The following INIP variants were observed in gnomAD, a reference collection of about 807,000 sequenced individuals.
INIP encodes the protein SOSS complex subunit C.
In INIP, 9 loss-of-function variants were observed where a neutral mutation model predicts 14.0. The observed-to-expected ratio is 0.64, with a 90% CI of 0.39 to 1.12. The LOEUF is 1.12. INIP is among the 50% of genes most tolerant of loss of function. The pLI is 0.01. For synonymous variants in INIP, 37 were observed against 41.5 expected, an observed-to-expected ratio of 0.89 and a Z score of 0.41; for missense variants, 78 against 122.7, an observed-to-expected ratio of 0.64 and a Z score of 1.72.
chr9:112,697,317 T>C (rs1349379844), intron 2 of INIP, among the ~76,000 whole-genome samples: 4 of 152,212 alleles, frequency 2.6e-5, no homozygotes, highest in Non-Finnish European at 5.9e-5. Flanking sequence ...AAGACTAGCC[T>C]GGGCAACTTA....
At position 112,693,104 on chromosome 9, in the gene INIP, A is replaced by T. The variant is rs577951032; in HGVS notation, c.128+1027T>A. 4.4e-3 allele frequency among the ~76,000 whole-genome samples: 672 copies of T among 152,224 alleles called. 1 individual carries two copies. Among genetic ancestry groups the T allele is most frequent in the Non-Finnish European group, 6.7e-3 (455 of 68,016 alleles). On this transcript the variant is annotated intron_variant, in intron 3 of 4. Coordinates refer to ENST00000374242, the MANE Select transcript of INIP (RefSeq NM_021218.3). ...AAATATTCTAGTTAGAATGTTTACA[A>T]TTTAATCAACTAAACAGTTTGTTAA...
intron 3 of INIP, among the ~76,000 whole-genome samples, chr9:112,690,171 C>A (rs1471334063): frequency 2.0e-5 from 3 of 152,162 alleles, no homozygotes; most frequent in Admixed American, 6.5e-5. Context: ...GAGTGTTAGG[C>A]AGCAGGGGAG....
chr9:112,693,665 T>C (rs1270015581), intron 3 of INIP, among the ~76,000 whole-genome samples: 1 of 152,226 alleles, frequency 6.6e-6, no homozygotes. Flanking sequence ...AGGTAAAGTT[T>C]AGCCTCCCCT....
At chr9:112,693,473 G>T (rs1837964306) in intron 3 of INIP, among the ~76,000 whole-genome samples, 1 of 152,138 alleles carries the variant, frequency 6.6e-6, no homozygotes, top group Non-Finnish European at 1.5e-5. Context: ...AATCCCTTTT[G>T]TTTGTTCCAC....
intron 2 of INIP, among the ~76,000 whole-genome samples, chr9:112,710,402 C>G (rs1251188931): frequency 6.6e-6 from 1 of 152,168 alleles, no homozygotes; most frequent in East Asian, 1.9e-4. Flanking sequence ...TCAGGCTGAA[C>G]CAATCCAATG....
chr9:112,689,548 G>T lies in INIP; in HGVS notation c.198C>A (p.Ala66=). 6.2e-7 allele frequency: 1 copy of T among 1,614,036 alleles called. No homozygotes were observed. Among genetic ancestry groups the T allele is most frequent in the South Asian group, 1.1e-5 (1 of 91,048 alleles). The change falls in exon 4 of 5, where the codon GCC becomes GCA. Residue 66 remains alanine, a synonymous_variant. Transcript: ENST00000374242. ...TCACCTGCAAAGCTGCCTTCTGTTGGGCTGCAATATGCTGCTGCTCAGCGT... is the reference window on the plus strand; with the variant it reads ...TCACCTGCAAAGCTGCCTTCTGTTGTGCTGCAATATGCTGCTGCTCAGCGT... ...RDHAEQQHIA[A]QQKAALQHAH...
chr9:112,713,920 G>A (rs1472862005), intron 2 of INIP, among the ~76,000 whole-genome samples: 1 of 151,576 alleles, frequency 6.6e-6, no homozygotes, highest in Non-Finnish European at 1.5e-5. Flanking sequence ...GGAGGTGGAG[G>A]TTGCAGTGAG....
Position 112,685,090 on chromosome 9 carries a change from G to C in INIP, c.*2448C>G, listed in dbSNP as rs996481996. ...TCAGGCCACTACTGCATTCTGGCTC[G>C]CTTGATTGATTGATTTAGAGACAGG... is the stretch of plus-strand genomic sequence containing the variant. On this transcript the variant is annotated 3_prime_UTR_variant, in exon 5 of 5. Transcript: ENST00000374242. 1 of 152,086 alleles carries C rather than the reference G, an allele frequency of 6.6e-6. No homozygotes were observed. Among genetic ancestry groups the C allele is most frequent in the African/African-American group, 2.4e-5 (1 of 41,364 alleles). The allele number at this position is 152,086 out of a possible 1,614,324, so 9.4% of individuals were successfully genotyped here.
In INIP at chr9:112,694,771, A is replaced by C. The variant is rs116397021; in HGVS notation, c.26-538T>G. ...TTCAGATATGTTGGATAATTTTTCAAGGAACATGTCAAAGAATTTCAACTG... is the reference window on the plus strand; with the variant it reads ...TTCAGATATGTTGGATAATTTTTCACGGAACATGTCAAAGAATTTCAACTG... On this transcript the variant is annotated intron_variant, in intron 2 of 4. Transcript: ENST00000374242. 3.5e-3 allele frequency among the ~76,000 whole-genome samples: 532 copies of C among 152,340 alleles called. 3 individuals are homozygous for C. The highest frequency in any genetic ancestry group is 0.012 in the African/African-American group (491 of 41,562).
At chr9:112,704,636 G>A (rs1175835882) in intron 2 of INIP, among the ~76,000 whole-genome samples, 1 of 152,114 alleles carries the variant, frequency 6.6e-6, no homozygotes, top group Admixed American at 6.5e-5. Context: ...CAAACCTTGT[G>A]TTTTAATTAA....
chr9:112,703,129 A>T (rs987146651), intron 2 of INIP, among the ~76,000 whole-genome samples: 10 of 152,218 alleles, frequency 6.6e-5, no homozygotes, highest in African/African-American at 2.4e-4. Flanking sequence ...TTGGCCAAGA[A>T]CTTTGCCAAC....
Position 112,686,490 on chromosome 9 carries a change from A to ATAAG in INIP, c.*1044_*1047dup, listed in dbSNP as rs1260971757. 2.0e-5 allele frequency: 3 copies of ATAAG among 152,098 alleles called. No individual in the cohort carries two copies. Among genetic ancestry groups the ATAAG allele is most frequent in the African/African-American group, 4.8e-5 (2 of 41,450 alleles). The allele number at this position is 152,098 out of a possible 1,614,324, so 9.4% of individuals were successfully genotyped here. A position where few individuals can be genotyped will look rare whatever the true frequency, so the allele number is the denominator to read the frequency against. ...TTAATTAAAAAGGAGCTCGACTTGC[A>ATAAG]TAAGTTTTCTTTTTCTTTTTTTCTT... On this transcript the variant is annotated 3_prime_UTR_variant, in exon 5 of 5. Transcript: ENST00000374242.
chr9:112,713,374 A>G (rs787277), intron 2 of INIP, among the ~76,000 whole-genome samples: 110,317 of 152,082 alleles, frequency 0.73, 40,130 homozygotes, highest in Admixed American at 0.79. Flanking sequence ...AGCTCTCTTC[A>G]GAAGCGCATA....
intron 2 of INIP, among the ~76,000 whole-genome samples, chr9:112,714,701 TTAAAA>T (rs1838751358): frequency 6.6e-6 from 1 of 152,204 alleles, no homozygotes; most frequent in South Asian, 2.1e-4. Flanking sequence ...GTAAATAATC[TTAAAA>T]TAGATTAAAA....
chr9:112,691,432 GACATC>G (rs1326326120), intron 3 of INIP, among the ~76,000 whole-genome samples: 1 of 152,158 alleles, frequency 6.6e-6, no homozygotes, highest in African/African-American at 2.4e-5. Context: ...AATGCCTGTG[GACATC>G]AAAGTAGAGA....
In INIP at chr9:112,684,208, C is replaced by T. The variant is rs1196333439; in HGVS notation, c.*3330G>A. 2 of 152,088 alleles carry T rather than the reference C, an allele frequency of 1.3e-5. No individual in the cohort carries two copies. Among genetic ancestry groups the T allele is most frequent in the African/African-American group, 2.4e-5 (1 of 41,386 alleles). 9.4% of individuals were successfully genotyped at this position (152,088 alleles called of 1,614,324 possible). On this transcript the variant is annotated 3_prime_UTR_variant, in exon 5 of 5. Coordinates refer to ENST00000374242, the MANE Select transcript of INIP (RefSeq NM_021218.3). ...AGAAATAAACAAAAATTCTTGCTCT[C>T]TAAGACTTTACATACTAGTGGAACA...
At chr9:112,698,842 C>T (rs905317129) in intron 2 of INIP, among the ~76,000 whole-genome samples, 2 of 152,144 alleles carry the variant, frequency 1.3e-5, no homozygotes, top group African/African-American at 4.8e-5. Context: ...ACCACAGTGA[C>T]TCTCATATAA....
At chr9:112,706,971 G>T (rs914305230) in intron 2 of INIP, among the ~76,000 whole-genome samples, 3 of 151,922 alleles carry the variant, frequency 2.0e-5, no homozygotes, top group African/African-American at 7.3e-5. Flanking sequence ...GAGTGCAATG[G>T]CGTGATCTCG....
chr9:112,709,538 G>GA (rs752474125), intron 2 of INIP, among the ~76,000 whole-genome samples: 1 of 152,148 alleles, frequency 6.6e-6, no homozygotes, highest in Non-Finnish European at 1.5e-5. Flanking sequence ...AGGAAATACA[G>GA]AAAAATATAA....
Sources: gnomAD v4.1 joint callset for allele counts (sites outside exome capture counted in the v4.1 genomes callset) on GRCh38, gnomAD v4.1.1 for gene constraint, MANE v1.5 for transcripts, NCBI Gene and HGNC (gene_info 2026-07-23, HGNC 2026-07-21) for gene names.